Variants in GALNT11 observed in about 807,000 individuals in gnomAD.
The protein encoded by GALNT11 is polypeptide N-acetylgalactosaminyltransferase 11.
In GALNT11, 47 loss-of-function variants were observed where a neutral mutation model predicts 72.7. That is an observed-to-expected ratio of 0.65 (90% confidence interval 0.51 to 0.82). The LOEUF is 0.82. Ranked by LOEUF, GALNT11 falls within the 40% of genes least tolerant of loss-of-function variation. The pLI is 0.00. For synonymous variants in GALNT11, 270 were observed against 286.6 expected, an observed-to-expected ratio of 0.94 and a Z score of 0.58; for missense variants, 677 against 778.4, an observed-to-expected ratio of 0.87 and a Z score of 1.55.
chr7:152,116,561 C>T (rs958281828), intron 8 of GALNT11, among the ~76,000 whole-genome samples: 7 of 152,130 alleles, frequency 4.6e-5, no homozygotes, highest in Non-Finnish European at 1.0e-4. Flanking sequence ...CATTTTAATG[C>T]AACAGTGTAA....
At chr7:152,040,497 G>A (rs2082804642) in intron 1 of GALNT11, among the ~76,000 whole-genome samples, 1 of 152,182 alleles carries the variant, frequency 6.6e-6, no homozygotes, top group African/African-American at 2.4e-5. Context: ...AAAGTGTCTA[G>A]CATTAGATAT....
intron 4 of GALNT11, 51 bp downstream of exon 4, chr7:152,103,329 A>G: frequency 6.4e-7 from 1 of 1,562,660 alleles, no homozygotes; most frequent in South Asian, 1.1e-5. Flanking sequence ...CAGTCACTAC[A>G]GCACTGACAA....
chr7:152,117,673 C>T, intron 9 of GALNT11: 1 of 348,106 alleles, frequency 2.9e-6, no homozygotes, highest in East Asian at 5.7e-5. Context: ...GAAGTGTCAA[C>T]TTCGTGTGTC....
chr7:152,064,314 C>T (rs2084186710), intron 1 of GALNT11, among the ~76,000 whole-genome samples: 2 of 152,136 alleles, frequency 1.3e-5, no homozygotes, highest in Admixed American at 1.3e-4. Flanking sequence ...CTTGGTAGAT[C>T]TTCCTCCATC....
intron 1 of GALNT11, among the ~76,000 whole-genome samples, chr7:152,042,702 A>G (rs566975316): frequency 3.3e-5 from 5 of 152,310 alleles, no homozygotes; most frequent in Middle Eastern, 3.4e-3. Context: ...TGAGGGCTAT[A>G]TAATTGTTCT....
chr7:152,073,887 TC>T (rs2084806935), intron 1 of GALNT11, among the ~76,000 whole-genome samples: 1 of 152,224 alleles, frequency 6.6e-6, no homozygotes, highest in South Asian at 2.1e-4. Context: ...GATTTGCTGT[TC>T]CTTGATGATT....
intron 1 of GALNT11, among the ~76,000 whole-genome samples, chr7:152,065,100 T>C (rs1392368553): frequency 6.6e-6 from 1 of 152,242 alleles, no homozygotes; most frequent in Non-Finnish European, 1.5e-5. Flanking sequence ...CAATCAGACG[T>C]AGATTTGGTC....
In GALNT11 at chr7:152,117,236, A is replaced by G. The variant is rs112562546; in HGVS notation, c.1313A>G (p.Lys438Arg). 1.4e-5 allele frequency: 23 copies of G among 1,614,206 alleles called. No homozygotes were observed. Among genetic ancestry groups the G allele is most frequent in the East Asian group, 2.2e-5 (1 of 44,892 alleles). ...AGTGAGCGTGTGGAACTGAGAAAGAAGTTGGGCTGTAAATCATTTAAATGG... is the reference window on the plus strand; with the variant it reads ...AGTGAGCGTGTGGAACTGAGAAAGAGGTTGGGCTGTAAATCATTTAAATGG... Reference protein sequence around the residue: ...NISERVELRKKLGCKSFKWYL... With the variant: ...NISERVELRKRLGCKSFKWYL... The change falls in exon 9 of 12, where the codon AAG becomes AGG. Residue 438 changes from lysine (K) to arginine (R), a missense_variant. Physicochemically the swap from Lys to Arg is conservative, Grantham distance 26 (BLOSUM62 2). Coordinates refer to ENST00000430044, the MANE Select transcript of GALNT11 (RefSeq NM_022087.4).
At chr7:152,043,921 T>C (rs534146860) in intron 1 of GALNT11, among the ~76,000 whole-genome samples, 53 of 152,154 alleles carry the variant, frequency 3.5e-4, no homozygotes, top group Non-Finnish European at 6.5e-4. Context: ...GCTTCCAAGC[T>C]CCCCTTCTTA....
intron 1 of GALNT11, among the ~76,000 whole-genome samples, chr7:152,082,299 C>T (rs1205655511): frequency 6.6e-6 from 1 of 152,202 alleles, no homozygotes; most frequent in African/African-American, 2.4e-5. Flanking sequence ...AGCAGTTTTG[C>T]CATGAGAGTA....
rs1162435283 is a variant in GALNT11 at position 152,121,599 on chromosome 7, T to A, written c.1749T>A (p.Asp583Glu). The A allele has an allele frequency of 6.2e-7, 1 of 1,614,198 alleles. No individual in the cohort carries two copies. The highest frequency in any genetic ancestry group is 1.7e-5 in the Admixed American group (1 of 60,026). ...TTGGACAGTGCCTGAGAGCAGTGGA[T>A]CCCCTGGGTCAGAAGGGCTCTGTCG... Reference protein sequence around the residue: ...VSVGQCLRAVDPLGQKGSVAM... With the variant: ...VSVGQCLRAVEPLGQKGSVAM... The change falls in exon 12 of 12, where the codon GAT (aspartate) becomes GAA (glutamate). Residue 583 changes from aspartate to glutamate, a missense_variant. Transcript: ENST00000430044.
intron 1 of GALNT11, among the ~76,000 whole-genome samples, chr7:152,078,094 G>A (rs571217604): frequency 6.6e-5 from 10 of 151,882 alleles, no homozygotes; most frequent in East Asian, 1.9e-4. Context: ...TGAAGCGTGA[G>A]GGGGGAAGGC....
intron 1 of GALNT11, among the ~76,000 whole-genome samples, chr7:152,047,995 A>G (rs1273985716): frequency 6.6e-6 from 1 of 151,856 alleles, no homozygotes; most frequent in Non-Finnish European, 1.5e-5. Flanking sequence ...TGCTATTACC[A>G]CTGAGTTTTG....
intron 1 of GALNT11, among the ~76,000 whole-genome samples, chr7:152,068,652 C>CT (rs151101928): frequency 0.029 from 4,343 of 152,134 alleles, 201 homozygotes; most frequent in African/African-American, 0.099. Context: ...TGTCTTTTCT[C>CT]TTTTTTCTAA....
At chr7:152,108,009 C>G in intron 5 of GALNT11, 29 bp from the exon 6 acceptor site, 1 of 1,590,600 alleles carries the variant, frequency 6.3e-7, no homozygotes, top group Non-Finnish European at 8.6e-7. Context: ...TTGTGACACT[C>G]TCCTGAGCCT....
intron 1 of GALNT11, among the ~76,000 whole-genome samples, chr7:152,058,821 G>A (rs1024021477): frequency 9.9e-5 from 15 of 152,084 alleles, no homozygotes; most frequent in African/African-American, 3.6e-4. Flanking sequence ...TTTTGTTATC[G>A]TTTCAACAGT....
chr7:152,092,004 T>C (rs1046945538), intron 1 of GALNT11, among the ~76,000 whole-genome samples: 1 of 152,166 alleles, frequency 6.6e-6, no homozygotes, highest in Admixed American at 6.5e-5. Context: ...CGGGAGTGGT[T>C]TGAGGAAAAC....
intron 3 of GALNT11, among the ~76,000 whole-genome samples, chr7:152,102,402 C>A (rs557125490): frequency 6.6e-6 from 1 of 151,998 alleles, no homozygotes; most frequent in Non-Finnish European, 1.5e-5. Context: ...ATTACCTGGG[C>A]GTGGTGGCGC....
intron 1 of GALNT11, among the ~76,000 whole-genome samples, chr7:152,028,753 G>A (rs60657341): frequency 0.026 from 4,032 of 152,270 alleles, 176 homozygotes; most frequent in African/African-American, 0.092. Context: ...CTTCCTGCTG[G>A]ATAGGGGTGA....
Sources: gnomAD v4.1 joint callset for allele counts (sites outside exome capture counted in the v4.1 genomes callset) on GRCh38, gnomAD v4.1.1 for gene constraint, MANE v1.5 for transcripts, NCBI Gene and HGNC (gene_info 2026-07-23, HGNC 2026-07-21) for gene names.